Variants in ADK observed in about 807,000 individuals in gnomAD.
ADK encodes the protein N6,N6-dimethyladenosine kinase.
In ADK, 24 loss-of-function variants were observed where a neutral mutation model predicts 44.7. The ratio of observed to expected loss-of-function variants is 0.54; its 90% CI spans 0.39 to 0.76. The LOEUF is 0.76. ADK is among the 30% of genes least tolerant of loss of function. The pLI is 0.00. For missense variants in ADK, 321 were observed against 425.1 expected (o/e 0.76, Z 2.15); for synonymous variants, 128 against 142.6 (o/e 0.90, Z 0.73).
intron 9 of ADK, among the ~76,000 whole-genome samples, chr10:74,620,718 T>C (rs572783270): frequency 6.6e-6 from 1 of 152,312 alleles, no homozygotes; most frequent in South Asian, 2.1e-4. Context: ...TTTTTCTCTT[T>C]TTAATGATAG....
chr10:74,468,052 T>G (rs936920102), intron 6 of ADK, among the ~76,000 whole-genome samples: 8 of 152,270 alleles, frequency 5.3e-5, no homozygotes, highest in African/African-American at 1.9e-4. Context: ...ACAACTGTAC[T>G]TCTCTTCTCA....
intron 3 of ADK, among the ~76,000 whole-genome samples, chr10:74,227,426 G>A (rs1844582960): frequency 6.6e-6 from 1 of 152,114 alleles, no homozygotes; most frequent in Admixed American, 6.6e-5. Flanking sequence ...TAAATAAAGA[G>A]TGGCCTGGCA....
chr10:74,631,204 T>C (rs568364792), intron 9 of ADK, among the ~76,000 whole-genome samples: 1 of 152,030 alleles, frequency 6.6e-6, no homozygotes, highest in Non-Finnish European at 1.5e-5. Flanking sequence ...TACACACATC[T>C]ATATCTGTGT....
At chr10:74,642,235 T>C (rs1216714930) in intron 9 of ADK, among the ~76,000 whole-genome samples, 1 of 152,158 alleles carries the variant, frequency 6.6e-6, no homozygotes. Flanking sequence ...TATTCAGAAA[T>C]TTTCTGAGAT....
intron 6 of ADK, among the ~76,000 whole-genome samples, chr10:74,471,233 C>T (rs1846578081): frequency 6.6e-6 from 1 of 152,060 alleles, no homozygotes; most frequent in African/African-American, 2.4e-5. Flanking sequence ...TGCCACCACG[C>T]CTGGCTAATT....
chr10:74,287,529 G>A (rs1220989729), intron 3 of ADK, among the ~76,000 whole-genome samples: 2 of 151,864 alleles, frequency 1.3e-5, no homozygotes, highest in African/African-American at 4.8e-5. Context: ...CTACGTTAAT[G>A]GACTGGCCAG....
chr10:74,473,664 TC>T (rs1846694973), intron 6 of ADK, among the ~76,000 whole-genome samples: 1 of 152,228 alleles, frequency 6.6e-6, no homozygotes. Flanking sequence ...GATTTTGCTT[TC>T]CCAATGTATC....
intron 6 of ADK, among the ~76,000 whole-genome samples, chr10:74,519,952 G>C (rs1228690047): frequency 6.6e-6 from 1 of 151,484 alleles, no homozygotes; most frequent in Non-Finnish European, 1.5e-5. Context: ...TCCTCTGTAA[G>C]CTTCAAAGTT....
intron 1 of ADK, among the ~76,000 whole-genome samples, chr10:74,180,648 C>CG (rs1564576004): frequency 6.6e-6 from 1 of 151,942 alleles, no homozygotes; most frequent in Non-Finnish European, 1.5e-5. Context: ...TTAGTAGAGA[C>CG]GGGGTTTCAC....
chr10:74,269,813 A>G (rs1429942769), intron 3 of ADK, among the ~76,000 whole-genome samples: 1 of 152,100 alleles, frequency 6.6e-6, no homozygotes, highest in African/African-American at 2.4e-5. Context: ...CCTGGCCAAC[A>G]TGGGGAAACC....
intron 6 of ADK, among the ~76,000 whole-genome samples, chr10:74,415,571 T>G (rs1309080676): frequency 6.6e-6 from 1 of 152,180 alleles, no homozygotes; most frequent in Non-Finnish European, 1.5e-5. Context: ...CAGATAAAGT[T>G]GAATTTAATC....
At chr10:74,218,134 G>A (rs1417381687) in intron 2 of ADK, among the ~76,000 whole-genome samples, 1 of 152,114 alleles carries the variant, frequency 6.6e-6, no homozygotes, top group Non-Finnish European at 1.5e-5. Flanking sequence ...AAATTTAAAC[G>A]AATGTATAAC....
chr10:74,600,608 A>G (rs1178847445), intron 9 of ADK, 115 bp downstream of exon 9: 1 of 318,574 alleles, frequency 3.1e-6, no homozygotes, highest in Admixed American at 4.9e-5. Flanking sequence ...AATATATATA[A>G]AATGAAATAT....
chr10:74,312,914 C>CA (rs56052959), intron 3 of ADK, among the ~76,000 whole-genome samples: 14,406 of 37,592 alleles, frequency 0.38, 4,290 homozygotes, highest in East Asian at 0.65. Context: ...ATTCTGTCTC[C>CA]AAAAAAAAAA....
intron 9 of ADK, among the ~76,000 whole-genome samples, chr10:74,664,862 T>A (rs1854889812): frequency 6.6e-6 from 1 of 152,082 alleles, no homozygotes; most frequent in African/African-American, 2.4e-5. Context: ...AAGTAATATG[T>A]GATTCTGGAC....
In ADK at chr10:74,516,553, G is replaced by A. The variant is rs185016615; in HGVS notation, c.556-8703G>A. Among the ~76,000 whole-genome samples, 26 of 145,582 alleles carry A rather than the reference G, an allele frequency of 1.8e-4. No individual in the cohort carries two copies. The East Asian group carries it at 2.0e-3, about 11-fold the overall frequency. ...CTTTTTTTTTTTTTGAGATGGAGTC[G>A]CGCCCTGTTGCCCAGGCTGGAGTGC... On this transcript the variant is annotated intron_variant, in intron 6 of 10. Transcript: ENST00000539909.
intron 6 of ADK, among the ~76,000 whole-genome samples, chr10:74,503,123 A>T (rs993433855): frequency 6.6e-6 from 1 of 152,192 alleles, no homozygotes; most frequent in Non-Finnish European, 1.5e-5. Context: ...GCCATACGCT[A>T]CAATAGCAGA....
At chr10:74,275,138 A>G (rs1305186203) in intron 3 of ADK, among the ~76,000 whole-genome samples, 1 of 152,000 alleles carries the variant, frequency 6.6e-6, no homozygotes, top group African/African-American at 2.4e-5. Context: ...GAATAGATGA[A>G]GTCTTTCTGG....
intron 6 of ADK, among the ~76,000 whole-genome samples, chr10:74,464,553 A>G (rs1362921577): frequency 6.6e-6 from 1 of 152,194 alleles, no homozygotes; most frequent in Non-Finnish European, 1.5e-5. Context: ...CAGCGAGACC[A>G]TGTCTTTAAA....
Sources: gnomAD v4.1 joint callset for allele counts (sites outside exome capture counted in the v4.1 genomes callset) on GRCh38, gnomAD v4.1.1 for gene constraint, MANE v1.5 for transcripts, NCBI Gene and HGNC (gene_info 2026-07-23, HGNC 2026-07-21) for gene names.